RIMS1: variants seen among roughly 807,000 people sequenced by gnomAD.
RIMS1 encodes the protein regulating synaptic membrane exocytosis 1.
In RIMS1, 83 loss-of-function variants were observed where a neutral mutation model predicts 214.1. The ratio of observed to expected loss-of-function variants is 0.39; its 90% confidence interval spans 0.32 to 0.47. The LOEUF (loss-of-function observed/expected upper bound fraction) is 0.47, where lower values mean the gene tolerates loss of function less well. Among genes scored for constraint, RIMS1 ranks in the 20% least tolerant of loss-of-function variants. The pLI is 0.99. For missense variants in RIMS1, 2,050 were observed against 2,161.8 expected (o/e 0.95, Z 1.03); for synonymous variants, 793 against 786.8 (o/e 1.01, Z -0.13).
chr6:72,227,661 T>C (rs1445158168), intron 6 of RIMS1, among the ~76,000 whole-genome samples: 1 of 151,992 alleles, frequency 6.6e-6, no homozygotes, highest in East Asian at 1.9e-4. Flanking sequence ...GCCTGTGTCC[T>C]AAAATTATAA....
At chr6:72,317,074 G>GT in intron 28 of RIMS1, 1 of 424,032 alleles carries the variant, frequency 2.4e-6, no homozygotes, top group Admixed American at 3.5e-5. Flanking sequence ...GGAGGGCAGG[G>GT]GTGGGGTGGG....
At chr6:72,179,448 C>T in intron 4 of RIMS1, 127 bp from the exon 5 acceptor site, 3 of 869,180 alleles carry the variant, frequency 3.5e-6, no homozygotes, top group Non-Finnish European at 5.6e-6. Context: ...ACCATTTTCA[C>T]AAGAAATTTG....
chr6:72,259,247 T>G, intron 18 of RIMS1, 136 bp downstream of exon 18: 1 of 556,516 alleles, frequency 1.8e-6, no homozygotes, highest in Non-Finnish European at 3.0e-6. Context: ...CAACAACTGT[T>G]AACATATTGT....
chr6:72,193,189 G>A (rs1038623625), intron 6 of RIMS1, among the ~76,000 whole-genome samples: 2 of 152,206 alleles, frequency 1.3e-5, no homozygotes, highest in African/African-American at 4.8e-5. Flanking sequence ...CTTGTCTGAT[G>A]TGAAGAACTT....
intron 6 of RIMS1, among the ~76,000 whole-genome samples, chr6:72,199,404 A>G (rs2051532914): frequency 6.6e-6 from 1 of 152,052 alleles, no homozygotes; most frequent in South Asian, 2.1e-4. Flanking sequence ...CATTATTGCC[A>G]TTTTCTTGGT....
At chr6:72,013,428 G>A (rs1388807498) in intron 2 of RIMS1, among the ~76,000 whole-genome samples, 3 of 152,132 alleles carry the variant, frequency 2.0e-5, no homozygotes, top group Non-Finnish European at 2.9e-5. Context: ...CCATGGCTAT[G>A]TAGATAGTAT....
At chr6:72,291,805 T>A in intron 25 of RIMS1, 129 bp from the exon 26 acceptor site, 1 of 723,332 alleles carries the variant, frequency 1.4e-6, no homozygotes, top group Non-Finnish European at 2.5e-6. Context: ...AAAAAGTGTT[T>A]GATTCTGCTC....
chr6:72,366,718 G>C, intron 29 of RIMS1: 1 of 985,698 alleles, frequency 1.0e-6, no homozygotes, highest in Non-Finnish European at 1.2e-6. Flanking sequence ...ATGGGAGAGA[G>C]ACAGAGAAGA....
intron 2 of RIMS1, among the ~76,000 whole-genome samples, chr6:72,094,326 A>T (rs925826227): frequency 1.3e-5 from 2 of 152,086 alleles, no homozygotes; most frequent in Non-Finnish European, 2.9e-5. Context: ...TCTATGAGTG[A>T]CCCAAATGAA....
At chr6:72,002,339 T>G (rs1183011921) in intron 2 of RIMS1, among the ~76,000 whole-genome samples, 1 of 151,196 alleles carries the variant, frequency 6.6e-6, no homozygotes, top group Non-Finnish European at 1.5e-5. Context: ...CTAAAATGTA[T>G]AGAATATGAA....
chr6:72,203,196 C>G (rs1166049709), intron 6 of RIMS1, among the ~76,000 whole-genome samples: 1 of 152,022 alleles, frequency 6.6e-6, no homozygotes, highest in Non-Finnish European at 1.5e-5. Flanking sequence ...ACCGTGTTAG[C>G]CAGGATGGTC....
intron 1 of RIMS1, among the ~76,000 whole-genome samples, chr6:71,908,599 C>T (rs1775974044): frequency 1.3e-5 from 2 of 152,192 alleles, no homozygotes; most frequent in Admixed American, 1.3e-4. Context: ...TACTCATAGG[C>T]TCTGAGGTGT....
chr6:72,149,856 A>G (rs1230991823), intron 4 of RIMS1, among the ~76,000 whole-genome samples: 3 of 152,318 alleles, frequency 2.0e-5, no homozygotes, highest in Non-Finnish European at 4.4e-5. Context: ...CCACTGGGCC[A>G]CACCTGGCTT....
chr6:71,984,645 A>C (rs1459812450), intron 2 of RIMS1, among the ~76,000 whole-genome samples: 1 of 152,124 alleles, frequency 6.6e-6, no homozygotes, highest in Non-Finnish European at 1.5e-5. Flanking sequence ...GTCTGTTTCC[A>C]GGTGCTCTTT....
chr6:71,989,052 A>G (rs1344696317), intron 2 of RIMS1, among the ~76,000 whole-genome samples: 1 of 152,174 alleles, frequency 6.6e-6, no homozygotes, highest in Non-Finnish European at 1.5e-5. Flanking sequence ...TAAAAATCCA[A>G]CACCAAAGAC....
In RIMS1 at chr6:72,265,474, A is replaced by G. The variant is rs375979731; in HGVS notation, c.3279A>G (p.Val1093=). The change falls in exon 21 of 34, where the codon GTA becomes GTG. Residue 1093 remains valine, a synonymous_variant. Coordinates refer to ENST00000521978, the MANE Select transcript of RIMS1 (RefSeq NM_014989.7). The part of the protein sequence containing the change: ...SLHHECFNST[V]LRFTDEILVS... The stretch of plus-strand genomic sequence containing the variant: ...ATCATGAATGCTTTAACTCAACAGT[A>G]TTGAGATTTACTGATGAAATACTGG... 20 of 1,595,814 alleles carry G rather than the reference A, an allele frequency of 1.3e-5. No homozygotes were observed. The highest frequency in any genetic ancestry group is 1.6e-5 in the Non-Finnish European group (19 of 1,164,694).
intron 18 of RIMS1, 67 bp downstream of exon 18, chr6:72,259,178 G>T: frequency 1.5e-6 from 2 of 1,369,234 alleles, no homozygotes; most frequent in Non-Finnish European, 2.0e-6. Flanking sequence ...TACAGATATT[G>T]TGGCATAGCA....
intron 11 of RIMS1, 28 bp downstream of exon 11, chr6:72,245,889 A>G: frequency 6.8e-7 from 1 of 1,471,204 alleles, no homozygotes; most frequent in Non-Finnish European, 9.5e-7. Context: ...TTGTTATTAT[A>G]AAAGTATTGA....
intron 4 of RIMS1, among the ~76,000 whole-genome samples, chr6:72,175,708 C>T (rs1282309261): frequency 6.6e-6 from 1 of 151,838 alleles, no homozygotes; most frequent in Non-Finnish European, 1.5e-5. Context: ...TTCTAGACCT[C>T]GTCGTGAATC....
Sources: gnomAD v4.1 joint callset for allele counts (sites outside exome capture counted in the v4.1 genomes callset) on GRCh38, gnomAD v4.1.1 for gene constraint, MANE v1.5 for transcripts, NCBI Gene and HGNC (gene_info 2026-07-23, HGNC 2026-07-21) for gene names.